The following DOCK7 variants were observed in gnomAD, a reference collection of about 807,000 sequenced individuals.
DOCK7 encodes dedicator of cytokinesis 7, also known as dedicator of cytokinesis protein 7.
In DOCK7, 138 loss-of-function variants were observed where a neutral mutation model predicts 271.0. That is an observed-to-expected ratio of 0.51 (90% confidence interval 0.44 to 0.59). The LOEUF is 0.59. DOCK7 is among the 20% of genes least tolerant of loss of function. DOCK7 has a pLI of 0.00. For missense variants in DOCK7, 2,066 were observed against 2,592.4 expected, an observed-to-expected ratio of 0.80 and a Z score of 4.41; for synonymous variants, 823 against 876.1, an observed-to-expected ratio of 0.94 and a Z score of 1.07.
rs1319423095 is a variant in DOCK7 at position 62,537,022 on chromosome 1, T to G, written c.3471+869A>C. Among the ~76,000 whole-genome samples, 3 of 152,328 alleles carry G rather than the reference T, an allele frequency of 2.0e-5. No individual in the cohort carries two copies. The East Asian group carries it at 5.8e-4, about 29-fold the overall frequency. ...ACCCATCAATTTTCATCTGGTTTCC[T>G]TTGGGGTTTCTGGATACAAGAGAGT... On this transcript the variant is annotated intron_variant, in intron 28 of 49. Coordinates refer to ENST00000635253, the MANE Select transcript of DOCK7 (RefSeq NM_001367561.1).
chr1:62,508,065 C>G lies in DOCK7; in HGVS notation c.4380-7G>C, dbSNP rs767637846. ...TTCAATCTCTGCTCTTGATCTAATA[C>G]AAAATATTGTAAGAAATTATATTTA... On this transcript the variant is annotated splice_region_variant and splice_polypyrimidine_tract_variant and intron_variant, in intron 34 of 49. Coordinates refer to ENST00000635253, the MANE Select transcript of DOCK7 (RefSeq NM_001367561.1). 2.5e-6 allele frequency: 4 copies of G among 1,586,962 alleles called. No individual in the cohort carries two copies. The highest frequency in any genetic ancestry group is 2.3e-5 in the East Asian group (1 of 43,998).
intron 1 of DOCK7, among the ~76,000 whole-genome samples, chr1:62,671,793 T>C (rs908370454): frequency 6.6e-6 from 1 of 152,070 alleles, no homozygotes; most frequent in South Asian, 2.1e-4. Context: ...TATGAAACTT[T>C]TTTAAAAACA....
At chr1:62,583,526 T>C (rs377038219) in intron 15 of DOCK7, among the ~76,000 whole-genome samples, 4 of 152,320 alleles carry the variant, frequency 2.6e-5, no homozygotes, top group African/African-American at 9.6e-5. Context: ...ATTTCTTTCC[T>C]TTTTCTTAAA....
intron 14 of DOCK7, among the ~76,000 whole-genome samples, chr1:62,591,808 T>C (rs978106751): frequency 2.6e-5 from 4 of 152,206 alleles, no homozygotes; most frequent in Non-Finnish European, 5.9e-5. Flanking sequence ...AGAACTCTTA[T>C]AGAATCTATA....
intron 18 of DOCK7, among the ~76,000 whole-genome samples, chr1:62,563,707 C>T (rs997744387): frequency 2.0e-5 from 3 of 151,236 alleles, no homozygotes; most frequent in African/African-American, 7.3e-5. Context: ...ATGTTAACTC[C>T]GAATGTAAAC....
intron 2 of DOCK7, among the ~76,000 whole-genome samples, chr1:62,655,108 TA>T (rs895143035): frequency 6.6e-6 from 1 of 152,218 alleles, no homozygotes; most frequent in African/African-American, 2.4e-5. Context: ...ACGAAAGGAA[TA>T]CACAGGCCCT....
chr1:62,610,321 C>T (rs79112323), intron 14 of DOCK7, among the ~76,000 whole-genome samples: 3,589 of 151,808 alleles, frequency 0.024, 145 homozygotes, highest in African/African-American at 0.082. Flanking sequence ...GAACCATACA[C>T]TTGAATAGAA....
chr1:62,597,483 T>C lies in DOCK7; in HGVS notation c.1683-10859A>G, dbSNP rs1432100342. 3.5e-6 allele frequency: 5 copies of C among 1,448,900 alleles called. 1 individual carries two copies. The Admixed American group carries it at 8.5e-5, about 25-fold the overall frequency. 89.8% of individuals were successfully genotyped at this position (1,448,900 alleles called of 1,614,324 possible). A position where few individuals can be genotyped will look rare whatever the true frequency, so the allele number is the denominator to read the frequency against. ...AACCTTACCTTTTCTGGGCAAATAT[T>C]GGTATATATAGAGTTAAGAAGTCTA... On this transcript the variant is annotated intron_variant, in intron 14 of 49. Coordinates refer to ENST00000635253, the MANE Select transcript of DOCK7 (RefSeq NM_001367561.1).
chr1:62,505,889 A>G (rs1049261670), intron 35 of DOCK7, 73 bp from the exon 36 acceptor site: 2 of 1,447,712 alleles, frequency 1.4e-6, no homozygotes, highest in Non-Finnish European at 1.9e-6. Flanking sequence ...AGGCCTCCCT[A>G]TGTATAAATA....
intron 20 of DOCK7, among the ~76,000 whole-genome samples, chr1:62,558,598 G>A (rs1490458388): frequency 6.6e-6 from 1 of 152,126 alleles, no homozygotes; most frequent in Non-Finnish European, 1.5e-5. Context: ...GAATGAAAAT[G>A]TAGAGTAGGT....
At chr1:62,658,565 G>A (rs907980786) in intron 2 of DOCK7, among the ~76,000 whole-genome samples, 1 of 152,122 alleles carries the variant, frequency 6.6e-6, no homozygotes, top group African/African-American at 2.4e-5. Context: ...AAAAATCATG[G>A]CAGTCAAAAG....
chr1:62,553,313 TATA>T lies in DOCK7; in HGVS notation c.2597-415_2597-413del, dbSNP rs1424082145. Among the ~76,000 whole-genome samples the T allele has an allele frequency of 1.8e-4, 9 of 50,662 alleles. 1 individual carries two copies. The highest frequency in any genetic ancestry group is 8.1e-4 in the South Asian group (1 of 1,240). The allele number at this position is 50,662 out of a possible 152,430, so 33.2% of individuals were successfully genotyped here. ...AGGGTCTTCTAAATAAAAAGTATTTTATATATATATATATATATATATATATAT... is the reference window on the plus strand; with the variant it reads ...AGGGTCTTCTAAATAAAAAGTATTTTTATATATATATATATATATATATAT... On this transcript the variant is annotated intron_variant, in intron 21 of 49. Coordinates refer to ENST00000635253, the MANE Select transcript of DOCK7 (RefSeq NM_001367561.1).
At chr1:62,494,543 G>C in intron 39 of DOCK7, 76 bp from the exon 40 acceptor site, 2 of 1,387,028 alleles carry the variant, frequency 1.4e-6, no homozygotes, top group South Asian at 2.9e-5. Context: ...CTCGCTCAGA[G>C]TTTACCTAGA....
rs1227359566 is a variant in DOCK7, at chr1:62,688,219, A to C, written c.38+8T>G. On this transcript the variant is annotated splice_region_variant and intron_variant, in intron 1 of 49. Transcript: ENST00000635253. Reference sequence around the variant, plus strand: ...GCGGCGGCGGCGCGCCCCACGCCGGATATTTACCTGCTGATCTTCTGGGCG... The same window carrying C: ...GCGGCGGCGGCGCGCCCCACGCCGGCTATTTACCTGCTGATCTTCTGGGCG... The C allele has an allele frequency of 7.3e-7, 1 of 1,377,692 alleles. No individual in the cohort carries two copies. 85.3% of individuals were successfully genotyped at this position (1,377,692 alleles called of 1,614,324 possible). A position where few individuals can be genotyped will look rare whatever the true frequency, so the allele number is the denominator to read the frequency against.
intron 13 of DOCK7, among the ~76,000 whole-genome samples, 166 bp downstream of exon 13, chr1:62,619,734 T>C (rs1287655913): frequency 6.6e-6 from 1 of 151,874 alleles, no homozygotes; most frequent in Non-Finnish European, 1.5e-5. Flanking sequence ...GCATCCAAAC[T>C]GTCAGATCAC....
intron 14 of DOCK7, among the ~76,000 whole-genome samples, chr1:62,607,212 A>G (rs1200225358): frequency 6.6e-6 from 1 of 151,802 alleles, no homozygotes; most frequent in Non-Finnish European, 1.5e-5. Context: ...AAAATAAATA[A>G]CAAATTCCCC....
intron 31 of DOCK7, among the ~76,000 whole-genome samples, chr1:62,526,055 G>A (rs1286102233): frequency 6.6e-6 from 1 of 152,098 alleles, no homozygotes; most frequent in African/African-American, 2.4e-5. Flanking sequence ...TCCCACCTTA[G>A]CTTCCCAGGT....
chr1:62,501,581 G>C (rs1010669272), intron 37 of DOCK7, among the ~76,000 whole-genome samples: 9 of 152,066 alleles, frequency 5.9e-5, no homozygotes, highest in Admixed American at 6.5e-5. Context: ...GTTCATTAAA[G>C]GGAGTTAATA....
intron 43 of DOCK7, chr1:62,484,832 A>G (rs1346111999): frequency 6.6e-6 from 1 of 152,212 alleles, no homozygotes; most frequent in Non-Finnish European, 1.5e-5. Flanking sequence ...AATCATAAAA[A>G]AAGAAGAGTT....
Sources: allele counts gnomAD v4.1 joint callset (sites outside exome capture counted in the v4.1 genomes callset), GRCh38; gene constraint gnomAD v4.1.1; transcripts MANE v1.5; gene names NCBI Gene and HGNC (gene_info 2026-07-23, HGNC 2026-07-21).